The following PPP1R13B variants were observed in gnomAD, a reference collection of about 807,000 sequenced individuals.
PPP1R13B encodes apoptosis-stimulating of p53 protein 1.
In PPP1R13B, 44 loss-of-function variants were observed where a neutral mutation model predicts 119.8. The ratio of observed to expected loss-of-function variants is 0.37; its 90% CI spans 0.29 to 0.47. The LOEUF (loss-of-function observed/expected upper bound fraction) is 0.47, where lower values mean the gene tolerates loss of function less well. Ranked by LOEUF, PPP1R13B falls within the 20% of genes least tolerant of loss-of-function variation. The pLI, the probability that PPP1R13B is intolerant of heterozygous loss-of-function variation, is 0.99. For synonymous variants in PPP1R13B, 542 were observed against 561.5 expected (o/e 0.97, Z 0.49); for missense variants, 1,227 against 1,413.5 (o/e 0.87, Z 2.12).
intron 15 of PPP1R13B, 57 bp from the exon 16 acceptor site, chr14:103,736,259 C>A (rs2084107962): frequency 1.9e-6 from 3 of 1,563,818 alleles, no homozygotes; most frequent in Middle Eastern, 1.7e-4. Context: ...AGCAAGGGAC[C>A]CTGCTCGAGG....
At chr14:103,751,451 A>G (rs978373023) in intron 7 of PPP1R13B, among the ~76,000 whole-genome samples, 1 of 152,240 alleles carries the variant, frequency 6.6e-6, no homozygotes, top group African/African-American at 2.4e-5. Context: ...CTAATAAAGC[A>G]GCAAGACCTA....
intron 1 of PPP1R13B, among the ~76,000 whole-genome samples, chr14:103,802,902 CTG>C (rs1299090406): frequency 2.0e-5 from 3 of 152,146 alleles, no homozygotes; most frequent in African/African-American, 4.8e-5. Flanking sequence ...CGCAATAACC[CTG>C]TCTTTCCTAA....
intron 2 of PPP1R13B, among the ~76,000 whole-genome samples, chr14:103,787,126 T>C (rs2085485664): frequency 6.6e-6 from 1 of 151,854 alleles, no homozygotes; most frequent in Non-Finnish European, 1.5e-5. Flanking sequence ...AGTGCTGGGA[T>C]TGCAAAACTA....
intron 4 of PPP1R13B, among the ~76,000 whole-genome samples, chr14:103,760,276 C>G (rs544664627): frequency 6.6e-6 from 1 of 152,336 alleles, no homozygotes; most frequent in East Asian, 1.9e-4. Flanking sequence ...GTATTACATG[C>G]AAACTATCCC....
intron 4 of PPP1R13B, chr14:103,762,682 C>T (rs867434741): frequency 1.0e-4 from 55 of 547,940 alleles, no homozygotes; most frequent in Middle Eastern, 1.0e-3. Flanking sequence ...AAAACGGGAA[C>T]CAAGAGCAAG....
At chr14:103,739,269 CTG>C in intron 12 of PPP1R13B, 1 of 497,558 alleles carries the variant, frequency 2.0e-6, no homozygotes, top group Non-Finnish European at 3.5e-6. Flanking sequence ...AGGGACACGG[CTG>C]TGTTTGAGCT....
rs868621743 is a variant in PPP1R13B, at chr14:103,734,853, C to T, written c.*301G>A. The T allele has an allele frequency of 5.0e-5, 25 of 498,100 alleles. No homozygotes were observed. The highest frequency in any genetic ancestry group is 2.1e-4 in the South Asian group (12 of 57,536). 30.9% of individuals were successfully genotyped at this position (498,100 alleles called of 1,614,324 possible). A position where few individuals can be genotyped will look rare whatever the true frequency, so the allele number is the denominator to read the frequency against. Reference sequence around the variant, plus strand: ...GCTTCTGTCTTCACTGGCAACCAACCGGGGGTTATGGGACTTCTTAATGGC... The same window carrying T: ...GCTTCTGTCTTCACTGGCAACCAACTGGGGGTTATGGGACTTCTTAATGGC... On this transcript the variant is annotated 3_prime_UTR_variant, in exon 17 of 17. Transcript: ENST00000202556.
intron 1 of PPP1R13B, among the ~76,000 whole-genome samples, chr14:103,801,935 T>C (rs1362430336): frequency 6.6e-6 from 1 of 152,216 alleles, no homozygotes; most frequent in Non-Finnish European, 1.5e-5. Context: ...CAGTTACCTC[T>C]GCTCACTAAC....
At chr14:103,743,295 A>G (rs556745926) in intron 9 of PPP1R13B, among the ~76,000 whole-genome samples, 5 of 152,360 alleles carry the variant, frequency 3.3e-5, no homozygotes, top group African/African-American at 9.6e-5. Context: ...TTATTGAGAT[A>G]AAAATTTCTG....
At chr14:103,838,791 G>A (rs1230326743) in intron 1 of PPP1R13B, among the ~76,000 whole-genome samples, 1 of 152,144 alleles carries the variant, frequency 6.6e-6, no homozygotes, top group Admixed American at 6.5e-5. Flanking sequence ...ACAATGTAAA[G>A]TTACTATTAT....
At chr14:103,765,438 C>G (rs1317016646) in intron 4 of PPP1R13B, among the ~76,000 whole-genome samples, 11 of 152,126 alleles carry the variant, frequency 7.2e-5, no homozygotes, top group Admixed American at 7.2e-4. Context: ...CTCCACCAAA[C>G]TCCTCTCTCT....
chr14:103,825,906 G>T (rs528533800), intron 1 of PPP1R13B, among the ~76,000 whole-genome samples: 3 of 150,878 alleles, frequency 2.0e-5, no homozygotes, highest in Non-Finnish European at 4.4e-5. Flanking sequence ...GTACAGTGGC[G>T]CAATCTTGGC....
intron 2 of PPP1R13B, among the ~76,000 whole-genome samples, chr14:103,786,167 GT>G (rs2085457003): frequency 6.6e-6 from 1 of 151,994 alleles, no homozygotes; most frequent in Non-Finnish European, 1.5e-5. Context: ...AGCCTCCCAA[GT>G]TAGCTGAAAC....
At position 103,742,660 on chromosome 14, in the gene PPP1R13B, C is replaced by A; in HGVS notation, c.1314G>T (p.Glu438Asp). 6.2e-7 allele frequency: 1 copy of A among 1,613,254 alleles called. No individual in the cohort carries two copies. ...GGTAAAGACACAGGCCTACCGGCTT[C>A]TCCGTGGGTCCCAGTGCTGAGAAGG... Reference protein sequence around the residue: ...PVPFSALGPTEKPGIEIGKVP... With the variant: ...PVPFSALGPTDKPGIEIGKVP... The change falls in exon 10 of 17, where the codon GAG (glutamate) becomes GAT (aspartate). Residue 438 changes from glutamate to aspartate, a missense_variant. Coordinates refer to ENST00000202556, the MANE Select transcript of PPP1R13B (RefSeq NM_015316.3). The surrounding 1 kb of genome is among the most constrained non-coding windows in gnomAD (Gnocchi z 4.9).
At chr14:103,792,300 C>T (rs1291922782) in intron 2 of PPP1R13B, among the ~76,000 whole-genome samples, 1 of 152,046 alleles carries the variant, frequency 6.6e-6, no homozygotes, top group Non-Finnish European at 1.5e-5. Flanking sequence ...ACCTCAACCT[C>T]TCTAGTAGCT....
intron 2 of PPP1R13B, among the ~76,000 whole-genome samples, chr14:103,792,458 A>C (rs2085646661): frequency 6.6e-6 from 1 of 152,152 alleles, no homozygotes; most frequent in African/African-American, 2.4e-5. Context: ...TACAGGTGTG[A>C]GCTACTGCAC....
At chr14:103,815,429 G>A (rs943150735) in intron 1 of PPP1R13B, among the ~76,000 whole-genome samples, 2 of 152,160 alleles carry the variant, frequency 1.3e-5, no homozygotes, top group African/African-American at 4.8e-5. Context: ...GTTATTGTAT[G>A]TGAATTATGT....
At chr14:103,757,126 G>C (rs908698643) in intron 5 of PPP1R13B, among the ~76,000 whole-genome samples, 9 of 150,566 alleles carry the variant, frequency 6.0e-5, no homozygotes, top group Non-Finnish European at 1.5e-5. Flanking sequence ...GCAGTGGCAT[G>C]ATCTTGGCTC....
At chr14:103,841,669 A>G (rs957780378) in intron 1 of PPP1R13B, among the ~76,000 whole-genome samples, 3 of 152,202 alleles carry the variant, frequency 2.0e-5, no homozygotes, top group Admixed American at 6.6e-5. Flanking sequence ...AGGCTGTAAA[A>G]TCAAGCTTAT....
Sources: allele counts gnomAD v4.1 joint callset (sites outside exome capture counted in the v4.1 genomes callset), GRCh38; gene constraint gnomAD v4.1.1; non-coding constraint Gnocchi (gnomAD v3.1); transcripts MANE v1.5; gene names NCBI Gene and HGNC (gene_info 2026-07-23, HGNC 2026-07-21).